RERE: variants seen among roughly 807,000 people sequenced by gnomAD.
The protein encoded by RERE is arginine-glutamic acid dipeptide repeats, also known as arginine-glutamic acid dipeptide repeats protein.
Under a neutral mutation model 146.1 loss-of-function variants are expected in RERE, and 40 were observed. The ratio of observed to expected loss-of-function variants is 0.27; its 90% confidence interval spans 0.21 to 0.36. The LOEUF is 0.36. Ranked by LOEUF, RERE falls within the 10% of genes least tolerant of loss-of-function variation. RERE has a pLI of 1.00. For synonymous variants in RERE, 1,003 were observed against 866.0 expected, an observed-to-expected ratio of 1.16 and a Z score of -2.78; for missense variants, 1,933 against 2,138.7, an observed-to-expected ratio of 0.90 and a Z score of 1.90.
Position 8,655,888 on chromosome 1 carries a change from G to A in RERE, c.325+85C>T, listed in dbSNP as rs1384985977. 7.2e-6 allele frequency: 11 copies of A among 1,535,818 alleles called. No individual in the cohort carries two copies. The South Asian group carries it at 9.3e-5, about 13-fold the overall frequency. On this transcript the variant is annotated intron_variant, in intron 2 of 22. Coordinates refer to ENST00000400908, the MANE Select transcript of RERE (RefSeq NM_001042681.2). ...CTAGATTCCAAGCCTTCCTTAAAGTGTACAAAGCGTATTTATTTCACCATA... is the reference window on the plus strand; with the variant it reads ...CTAGATTCCAAGCCTTCCTTAAAGTATACAAAGCGTATTTATTTCACCATA...
chr1:8,471,627 C>T (rs1361567121), intron 10 of RERE, among the ~76,000 whole-genome samples: 7 of 151,804 alleles, frequency 4.6e-5, no homozygotes, highest in Admixed American at 2.0e-4. Context: ...ATCCTCCTGC[C>T]GCAGCCTCCC....
At chr1:8,786,048 A>G (rs1297258633) in intron 1 of RERE, among the ~76,000 whole-genome samples, 1 of 152,116 alleles carries the variant, frequency 6.6e-6, no homozygotes, top group Non-Finnish European at 1.5e-5. Flanking sequence ...GGCCCACAGC[A>G]CATCCCCTGC....
At position 8,416,400 on chromosome 1, in the gene RERE, A is replaced by G. The variant is rs370078158; in HGVS notation, c.1284+6327T>C. 2.0e-4 allele frequency among the ~76,000 whole-genome samples: 30 copies of G among 152,156 alleles called. 3 individuals are homozygous for G. In the East Asian group the frequency reaches 2.3e-3, roughly 12 times the overall value. On this transcript the variant is annotated intron_variant, in intron 12 of 22. Coordinates refer to ENST00000400908, the MANE Select transcript of RERE (RefSeq NM_001042681.2). ...GGAGATCGAGACCATCCTGGTTAACATGGTGAAAACCCCGTCTCTACTAAA... is the reference window on the plus strand; with the variant it reads ...GGAGATCGAGACCATCCTGGTTAACGTGGTGAAAACCCCGTCTCTACTAAA...
intron 1 of RERE, among the ~76,000 whole-genome samples, chr1:8,667,384 C>T (rs1638600267): frequency 6.6e-6 from 1 of 152,178 alleles, no homozygotes; most frequent in Non-Finnish European, 1.5e-5. Context: ...TTAAAAAACA[C>T]ACAAACTCGG....
chr1:8,715,587 G>A (rs1224282368), intron 1 of RERE, among the ~76,000 whole-genome samples: 2 of 151,508 alleles, frequency 1.3e-5, no homozygotes, highest in Non-Finnish European at 2.9e-5. Flanking sequence ...GAAGGAAGAG[G>A]AAGAGGAGAA....
At chr1:8,584,929 C>CT (rs1350874053) in intron 4 of RERE, among the ~76,000 whole-genome samples, 1 of 152,072 alleles carries the variant, frequency 6.6e-6, no homozygotes, top group Non-Finnish European at 1.5e-5. Context: ...GGGTGGATCA[C>CT]TTTAGTCAGG....
At chr1:8,547,800 G>T (rs917061718) in intron 6 of RERE, among the ~76,000 whole-genome samples, 4 of 152,144 alleles carry the variant, frequency 2.6e-5, no homozygotes, top group Non-Finnish European at 5.9e-5. Context: ...AGGGAAATTT[G>T]GTAATATGTA....
chr1:8,700,708 G>C (rs1639428362), intron 1 of RERE, among the ~76,000 whole-genome samples: 1 of 151,996 alleles, frequency 6.6e-6, no homozygotes, highest in African/African-American at 2.4e-5. Context: ...TTCTGCTTGA[G>C]TTTTACAAAC....
chr1:8,719,011 G>T (rs2124470211), intron 1 of RERE, among the ~76,000 whole-genome samples: 1 of 152,278 alleles, frequency 6.6e-6, no homozygotes, highest in South Asian at 2.1e-4. Context: ...CCCCAACAGT[G>T]AGGGTGGTAA....
chr1:8,538,849 T>C lies in RERE; in HGVS notation c.830+2365A>G, dbSNP rs115809608. On this transcript the variant is annotated intron_variant, in intron 7 of 22. Coordinates refer to ENST00000400908, the MANE Select transcript of RERE (RefSeq NM_001042681.2). ...CTGTAAGTGTGCTGCTATCATCATGTCTCTGTGTTCCTTATTGCATCCATA... is the reference window on the plus strand; with the variant it reads ...CTGTAAGTGTGCTGCTATCATCATGCCTCTGTGTTCCTTATTGCATCCATA... Among the ~76,000 whole-genome samples the C allele has an allele frequency of 8.0e-3, 1,214 of 152,270 alleles. 13 individuals are homozygous for C. The highest frequency in any genetic ancestry group is 0.028 in the African/African-American group (1,160 of 41,542).
chr1:8,462,205 A>T (rs1644536274), intron 11 of RERE, among the ~76,000 whole-genome samples: 2 of 152,240 alleles, frequency 1.3e-5, no homozygotes, highest in Admixed American at 1.3e-4. Context: ...AGAACTTTTT[A>T]AAAGGATTAC....
chr1:8,526,028 A>T, intron 7 of RERE: 11 of 1,258,380 alleles, frequency 8.7e-6, no homozygotes, highest in Non-Finnish European at 1.1e-5. Flanking sequence ...TCTCTCCACG[A>T]CGCAATCAAT....
chr1:8,358,407 C>T lies in RERE; in HGVS notation c.4128G>A (p.Arg1376=), dbSNP rs1400077577. The change falls in exon 20 of 23, where the codon AGG becomes AGA. Residue 1376 remains arginine, a synonymous_variant. Coordinates refer to ENST00000400908, the MANE Select transcript of RERE (RefSeq NM_001042681.2). ...SFHPGLNPLE[R]ERLALAGPQL... ...GGGGGCCCGCCAGGGCCAGTCTCTCCCTCTCCAAGGGGTTCAGGCCCGGGT... is the reference window on the plus strand; with the variant it reads ...GGGGGCCCGCCAGGGCCAGTCTCTCTCTCTCCAAGGGGTTCAGGCCCGGGT... 3.7e-6 allele frequency: 6 copies of T among 1,605,294 alleles called. No homozygotes were observed. The South Asian group carries it at 4.4e-5, about 12-fold the overall frequency.
chr1:8,365,127 G>A (rs958470327), intron 13 of RERE, among the ~76,000 whole-genome samples: 1 of 152,242 alleles, frequency 6.6e-6, no homozygotes, highest in Admixed American at 6.5e-5. Flanking sequence ...TCTGAACTGG[G>A]ACAAGCGCGT....
At chr1:8,591,300 C>T (rs1646489931) in intron 4 of RERE, among the ~76,000 whole-genome samples, 1 of 151,834 alleles carries the variant, frequency 6.6e-6, no homozygotes, top group Non-Finnish European at 1.5e-5. Flanking sequence ...ATATATTGTA[C>T]AAAAAGAATG....
At chr1:8,575,793 T>A (rs1465414532) in intron 4 of RERE, among the ~76,000 whole-genome samples, 1 of 151,892 alleles carries the variant, frequency 6.6e-6, no homozygotes, top group Non-Finnish European at 1.5e-5. Flanking sequence ...TGTGCCCTAC[T>A]TGGCAGGGTA....
chr1:8,358,051 G>A, intron 20 of RERE, 145 bp downstream of exon 20: 3 of 1,396,286 alleles, frequency 2.1e-6, no homozygotes, highest in Non-Finnish European at 2.9e-6. Context: ...TGACGGTAGT[G>A]GATGCTGAGC....
Position 8,358,718 on chromosome 1 carries a change from G to A in RERE, c.3817C>T (p.Pro1273Ser), listed in dbSNP as rs946285042. The change falls in exon 20 of 23, where the codon CCC becomes TCC. Residue 1273 changes from proline to serine, a missense_variant. By Grantham distance (74) the Pro-to-Ser change is moderately conservative. Transcript: ENST00000400908. ...HVMSPTNRNH[P>S]FYMPLNPTDP... Reference sequence around the variant, plus strand: ...GTGGGGTTAAGGGGCATGTAGAAGGGGTGGTTGCGGTTGGTGGGCGACATG... The same window carrying A: ...GTGGGGTTAAGGGGCATGTAGAAGGAGTGGTTGCGGTTGGTGGGCGACATG... 4 of 1,604,098 alleles carry A rather than the reference G, an allele frequency of 2.5e-6. No individual in the cohort carries two copies. The highest frequency in any genetic ancestry group is 1.7e-5 in the Admixed American group (1 of 59,444).
intron 11 of RERE, among the ~76,000 whole-genome samples, chr1:8,443,188 C>T (rs571912004): frequency 1.7e-4 from 26 of 152,266 alleles, no homozygotes; most frequent in African/African-American, 6.0e-4. Flanking sequence ...TTTGGTTGGG[C>T]GTGGTGGCTC....
Sources: allele counts gnomAD v4.1 joint callset (sites outside exome capture counted in the v4.1 genomes callset), GRCh38; gene constraint gnomAD v4.1.1; transcripts MANE v1.5; gene names NCBI Gene and HGNC (gene_info 2026-07-23, HGNC 2026-07-21).